Variants in BCKDHB observed in about 807,000 individuals in gnomAD.
BCKDHB encodes branched chain keto acid dehydrogenase E1 subunit beta, also known as 2-oxoisovalerate dehydrogenase subunit beta, mitochondrial.
In BCKDHB, 41 loss-of-function variants were observed where a neutral mutation model predicts 48.5. That is an observed-to-expected ratio of 0.85 (90% CI 0.66 to 1.10). The LOEUF (loss-of-function observed/expected upper bound fraction) is 1.10, where lower values mean the gene tolerates loss of function less well. Ranked by LOEUF, BCKDHB falls within the 50% of genes least tolerant of loss-of-function variation. The probability of loss-of-function intolerance (pLI) is 0.00; values close to 1 mark genes in which losing one functional copy is unlikely to be tolerated. For synonymous variants in BCKDHB, 201 were observed against 174.8 expected, an observed-to-expected ratio of 1.15 and a Z score of -1.18; for missense variants, 496 against 494.2, an observed-to-expected ratio of 1.00 and a Z score of -0.03.
At chr6:80,279,248 G>T (rs1015184023) in intron 9 of BCKDHB, among the ~76,000 whole-genome samples, 1 of 151,856 alleles carries the variant, frequency 6.6e-6, no homozygotes, top group Non-Finnish European at 1.5e-5. Context: ...CTGCCTCCCG[G>T]GTTCAAGTGA....
chr6:80,201,160 G>A, intron 7 of BCKDHB, 129 bp downstream of exon 7: 1 of 781,186 alleles, frequency 1.3e-6, no homozygotes, highest in Non-Finnish European at 2.2e-6. Flanking sequence ...TGCTACTGAT[G>A]CTAATTTCTT....
chr6:80,320,303 C>T (rs1768655177), intron 9 of BCKDHB, among the ~76,000 whole-genome samples: 1 of 152,088 alleles, frequency 6.6e-6, no homozygotes, highest in Admixed American at 6.5e-5. Flanking sequence ...CTTATTTCAC[C>T]TGTTGGTTAC....
At chr6:80,114,104 G>A (rs1205880881) in intron 1 of BCKDHB, among the ~76,000 whole-genome samples, 2 of 152,132 alleles carry the variant, frequency 1.3e-5, no homozygotes, top group Non-Finnish European at 2.9e-5. Flanking sequence ...ACTTGGGCAT[G>A]GGAAGTTGGG....
chr6:80,195,708 TA>T (rs749274031), intron 6 of BCKDHB, among the ~76,000 whole-genome samples: 3 of 152,116 alleles, frequency 2.0e-5, no homozygotes, highest in African/African-American at 4.8e-5. Flanking sequence ...GACACAAAAA[TA>T]ACACAATATT....
the BCKDHB span, among the ~76,000 whole-genome samples, chr6:80,443,137 C>A: frequency 6.6e-6 from 1 of 152,138 alleles, no homozygotes; most frequent in Non-Finnish European, 1.5e-5. Flanking sequence ...CTAAGCATCC[C>A]TTTTCCCACC....
chr6:80,183,875 T>C (rs1227112238), intron 6 of BCKDHB, among the ~76,000 whole-genome samples: 2 of 152,180 alleles, frequency 1.3e-5, no homozygotes, highest in Non-Finnish European at 2.9e-5. Flanking sequence ...CTTCACTTAG[T>C]ACTATGTATT....
At chr6:80,249,404 A>G (rs1776746093) in intron 8 of BCKDHB, among the ~76,000 whole-genome samples, 1 of 152,092 alleles carries the variant, frequency 6.6e-6, no homozygotes, top group Non-Finnish European at 1.5e-5. Context: ...TGGAGGATCA[A>G]TTGAGTAATT....
At chr6:80,411,016 A>G in the BCKDHB span, among the ~76,000 whole-genome samples, 134 of 152,298 alleles carry the variant, frequency 8.8e-4, no homozygotes, top group Middle Eastern at 6.8e-3. Context: ...CCTTTGCAGG[A>G]GAAGAGGTGC....
At chr6:80,336,680 GATA>G (rs907472188) in intron 9 of BCKDHB, among the ~76,000 whole-genome samples, 4 of 151,856 alleles carry the variant, frequency 2.6e-5, no homozygotes, top group Non-Finnish European at 4.4e-5. Flanking sequence ...AAATAGGCTT[GATA>G]ATAATATTTT....
the BCKDHB span, among the ~76,000 whole-genome samples, chr6:80,432,269 G>T: frequency 6.6e-6 from 1 of 152,178 alleles, no homozygotes; most frequent in African/African-American, 2.4e-5. Flanking sequence ...ATATCCTGAA[G>T]AATGTTTTCC....
rs776940885 is a variant in BCKDHB at position 80,322,238 on chromosome 6, C to CTTTTTTT, written c.1039-21415_1039-21409dup. Among the ~76,000 whole-genome samples the CTTTTTTT allele has an allele frequency of 5.2e-4, 61 of 116,616 alleles. 1 individual carries two copies. Among genetic ancestry groups the CTTTTTTT allele is most frequent in the Middle Eastern group, 4.7e-3 (1 of 214 alleles). 76.5% of individuals were successfully genotyped at this position (116,616 alleles called of 152,430 possible). On this transcript the variant is annotated intron_variant, in intron 9 of 9. Coordinates refer to ENST00000320393, the MANE Select transcript of BCKDHB (RefSeq NM_183050.4). The stretch of plus-strand genomic sequence containing the variant: ...CATAGGCGTTTTCTTTCTTTCTTTT[C>CTTTTTTT]TTTTTTTTTTTTTTTTTGGTGACGG...
At chr6:80,384,219 A>G in the BCKDHB span, among the ~76,000 whole-genome samples, 1 of 152,204 alleles carries the variant, frequency 6.6e-6, no homozygotes, top group South Asian at 2.1e-4. Context: ...ATCAGCTGCC[A>G]GCAAATATAA....
chr6:80,241,531 A>G (rs887083583), intron 8 of BCKDHB, among the ~76,000 whole-genome samples: 14 of 152,024 alleles, frequency 9.2e-5, no homozygotes, highest in Non-Finnish European at 1.9e-4. Context: ...GGTCTGTTGG[A>G]GTTTGCTGGA....
chr6:80,122,129 G>T (rs1371884981), intron 1 of BCKDHB, among the ~76,000 whole-genome samples: 2 of 152,166 alleles, frequency 1.3e-5, no homozygotes, highest in Admixed American at 6.5e-5. Flanking sequence ...TTTGTCATTG[G>T]TTCTGTTTAT....
At chr6:80,280,124 C>G (rs1365895539) in intron 9 of BCKDHB, among the ~76,000 whole-genome samples, 1 of 152,136 alleles carries the variant, frequency 6.6e-6, no homozygotes, top group Non-Finnish European at 1.5e-5. Context: ...GAATTAGATC[C>G]TGAAGAATCT....
At chr6:80,388,863 A>G in the BCKDHB span, among the ~76,000 whole-genome samples, 3 of 152,310 alleles carry the variant, frequency 2.0e-5, no homozygotes, top group Admixed American at 1.3e-4. Context: ...CAGTGAAGAG[A>G]AATCTTCCCA....
chr6:80,368,319 G>A, the BCKDHB span, among the ~76,000 whole-genome samples: 34 of 152,126 alleles, frequency 2.2e-4, no homozygotes, highest in Non-Finnish European at 4.6e-4. Flanking sequence ...TCTGTACAAA[G>A]CTGATCACAT....
chr6:80,214,405 A>G (rs1775074578), intron 8 of BCKDHB, among the ~76,000 whole-genome samples: 1 of 152,218 alleles, frequency 6.6e-6, no homozygotes, highest in Non-Finnish European at 1.5e-5. Flanking sequence ...CTAATATTTA[A>G]GTATTGCCAG....
the BCKDHB span, among the ~76,000 whole-genome samples, chr6:80,420,761 G>A: frequency 3.3e-5 from 5 of 152,264 alleles, no homozygotes; most frequent in South Asian, 2.1e-4. Flanking sequence ...CTGTGCTGCC[G>A]ATGCCCTCAG....
Sources: gnomAD v4.1 joint callset for allele counts (sites outside exome capture counted in the v4.1 genomes callset) on GRCh38, gnomAD v4.1.1 for gene constraint, MANE v1.5 for transcripts, NCBI Gene and HGNC (gene_info 2026-07-23, HGNC 2026-07-21) for gene names.